The following SPICE1 variants were observed in gnomAD, a reference collection of about 807,000 sequenced individuals.
SPICE1 encodes the protein spindle and centriole associated protein 1.
A neutral mutation model predicts 102.7 loss-of-function variants in SPICE1; 75 were observed. That is an observed-to-expected ratio of 0.73 (90% CI 0.61 to 0.88). The LOEUF is 0.88. SPICE1 is among the 40% of genes least tolerant of loss of function. The probability of loss-of-function intolerance (pLI) is 0.00; values close to 1 mark genes in which losing one functional copy is unlikely to be tolerated. For synonymous variants in SPICE1, 308 were observed against 350.3 expected, an observed-to-expected ratio of 0.88 and a Z score of 1.35; for missense variants, 979 against 1,020.1, an observed-to-expected ratio of 0.96 and a Z score of 0.55.
intron 7 of SPICE1, among the ~76,000 whole-genome samples, chr3:113,477,574 G>A (rs571867549): frequency 0.017 from 2,622 of 151,906 alleles, 72 homozygotes; most frequent in African/African-American, 0.061. Flanking sequence ...AAGAAAATGT[G>A]GCACATATAC....
chr3:113,443,668 A>T lies in SPICE1; in HGVS notation c.*1639T>A, dbSNP rs1165758676. The T allele has an allele frequency of 6.6e-6, 1 of 152,226 alleles. No homozygotes were observed. The highest frequency in any genetic ancestry group is 1.5e-5 in the Non-Finnish European group (1 of 68,046). The allele number at this position is 152,226 out of a possible 1,614,324, so 9.4% of individuals were successfully genotyped here. A position where few individuals can be genotyped will look rare whatever the true frequency, so the allele number is the denominator to read the frequency against. Reference sequence around the variant, plus strand: ...CACTGTAAAACAGGTTTACTCTCCAACAAGAGGCAGCACAGCATAGGCTTT... The same window carrying T: ...CACTGTAAAACAGGTTTACTCTCCATCAAGAGGCAGCACAGCATAGGCTTT... On this transcript the variant is annotated 3_prime_UTR_variant, in exon 18 of 18. Transcript: ENST00000295872.
At chr3:113,449,901 T>C (rs1170237830) in intron 15 of SPICE1, 1 of 157,888 alleles carries the variant, frequency 6.3e-6, no homozygotes, top group African/African-American at 2.4e-5. Context: ...GAATCCCCTC[T>C]AGCTTTTCAC....
intron 7 of SPICE1, among the ~76,000 whole-genome samples, chr3:113,476,626 C>T (rs1185182110): frequency 1.4e-4 from 20 of 147,934 alleles, no homozygotes; most frequent in East Asian, 7.8e-4. Flanking sequence ...TCAGAAATAA[C>T]GCCGCATATC....
At chr3:113,483,929 T>C (rs1408842626) in intron 7 of SPICE1, among the ~76,000 whole-genome samples, 2 of 152,336 alleles carry the variant, frequency 1.3e-5, no homozygotes, top group East Asian at 1.9e-4. Flanking sequence ...TTTCTATTGT[T>C]TGGAATAGTT....
chr3:113,469,038 T>A (rs1026281407), intron 8 of SPICE1, 61 bp downstream of exon 8: 23 of 1,571,920 alleles, frequency 1.5e-5, no homozygotes, highest in Non-Finnish European at 1.9e-5. Flanking sequence ...CAAAAATTAC[T>A]GCATTCAAGA....
intron 4 of SPICE1, 80 bp from the exon 5 acceptor site, chr3:113,494,222 G>T: frequency 2.1e-6 from 2 of 948,746 alleles, no homozygotes; most frequent in Non-Finnish European, 3.1e-6. Context: ...CCATAAAAAG[G>T]CCTGGAGCAT....
chr3:113,500,078 T>C (rs1478548611), intron 3 of SPICE1, among the ~76,000 whole-genome samples: 5 of 152,152 alleles, frequency 3.3e-5, no homozygotes, highest in East Asian at 1.9e-4. Context: ...GTAGTGTTTA[T>C]AGCCCTTCAA....
At chr3:113,512,756 C>A (rs1937246429) in intron 1 of SPICE1, among the ~76,000 whole-genome samples, 1 of 152,100 alleles carries the variant, frequency 6.6e-6, no homozygotes, top group Non-Finnish European at 1.5e-5. Context: ...TCCTCCTCCA[C>A]ACAAACAATT....
At chr3:113,447,400 G>C (rs1935543668) in intron 16 of SPICE1, among the ~76,000 whole-genome samples, 1 of 152,118 alleles carries the variant, frequency 6.6e-6, no homozygotes, top group South Asian at 2.1e-4. Context: ...ATAATTGACT[G>C]AAGTTCATAG....
rs529675899 is a variant in SPICE1 at position 113,474,062 on chromosome 3, C to T, written c.612-4824G>A. On this transcript the variant is annotated intron_variant, in intron 7 of 17. Coordinates refer to ENST00000295872, the MANE Select transcript of SPICE1 (RefSeq NM_144718.4). ...AACCCATCTCACGTGCAGAGACACA[C>T]ATAGGCTCAAAATAAAAGGATGGAG... Among the ~76,000 whole-genome samples, 7 of 151,964 alleles carry T rather than the reference C, an allele frequency of 4.6e-5. No individual in the cohort carries two copies. In the South Asian group the frequency reaches 8.3e-4, roughly 18 times the overall value.
At chr3:113,465,627 T>C (rs1936036717) in intron 11 of SPICE1, 26 bp downstream of exon 11, 2 of 1,603,058 alleles carry the variant, frequency 1.2e-6, no homozygotes, top group Non-Finnish European at 1.7e-6. Flanking sequence ...ACTGAACACA[T>C]AAAAATTGGG....
At chr3:113,464,032 C>T (rs1935993695) in intron 11 of SPICE1, among the ~76,000 whole-genome samples, 1 of 151,484 alleles carries the variant, frequency 6.6e-6, no homozygotes, top group Non-Finnish European at 1.5e-5. Context: ...CATGCCACTG[C>T]ACTCCAGCCT....
chr3:113,509,032 A>G (rs1937167213), intron 1 of SPICE1, among the ~76,000 whole-genome samples: 1 of 152,210 alleles, frequency 6.6e-6, no homozygotes, highest in Non-Finnish European at 1.5e-5. Flanking sequence ...TGTGTCCAGA[A>G]TAAGTAAATC....
At position 113,450,511 on chromosome 3, in the gene SPICE1, A is replaced by T; in HGVS notation, c.2148T>A (p.Phe716Leu). Reference sequence around the variant, plus strand: ...CTGGTGTTAGAGACTGTGCTACTGGAAAAGTCTTTGGGAGAAAAAAAAAAA... The same window carrying T: ...CTGGTGTTAGAGACTGTGCTACTGGTAAAGTCTTTGGGAGAAAAAAAAAAA... ...QESASDMTST[F>L]PVAQSLTPGS... is the part of the protein sequence containing the mutation. Residue 716 changes from phenylalanine (F) to leucine (L), a missense_variant, in exon 15 of 18, where the codon TTT (phenylalanine) becomes TTA (leucine). Coordinates refer to ENST00000295872, the MANE Select transcript of SPICE1 (RefSeq NM_144718.4). The T allele has an allele frequency of 6.3e-7, 1 of 1,588,844 alleles. No individual in the cohort carries two copies. The highest frequency in any genetic ancestry group is 8.6e-7 in the Non-Finnish European group (1 of 1,168,760).
chr3:113,454,065 G>C, intron 13 of SPICE1, 115 bp from the exon 14 acceptor site: 1 of 1,013,268 alleles, frequency 9.9e-7, no homozygotes, highest in African/African-American at 1.6e-5. Flanking sequence ...AGAAGGGTTT[G>C]GCTTCTGAAT....
chr3:113,493,157 T>TA, intron 6 of SPICE1, 49 bp downstream of exon 6: 1 of 1,363,324 alleles, frequency 7.3e-7, no homozygotes, highest in South Asian at 1.4e-5. Context: ...TATATCAACT[T>TA]AAACTTCCTT....
At chr3:113,454,047 AT>A (rs1935723857) in intron 13 of SPICE1, 97 bp from the exon 14 acceptor site, 1 of 1,186,322 alleles carries the variant, frequency 8.4e-7, no homozygotes, top group East Asian at 2.6e-5. Flanking sequence ...TTAGAAAAGT[AT>A]TTCAGTAGAA....
At chr3:113,471,234 G>A (rs1936189158) in intron 7 of SPICE1, among the ~76,000 whole-genome samples, 1 of 152,174 alleles carries the variant, frequency 6.6e-6, no homozygotes. Context: ...AGCCTCTTCA[G>A]ATACAATTTA....
At chr3:113,459,429 T>A (rs1443529431) in intron 12 of SPICE1, 3 of 953,704 alleles carry the variant, frequency 3.1e-6, no homozygotes, top group South Asian at 4.9e-5. Context: ...CTAAAAAAAA[T>A]TAAAAACAAA....
Sources: allele counts gnomAD v4.1 joint callset (sites outside exome capture counted in the v4.1 genomes callset), GRCh38; gene constraint gnomAD v4.1.1; transcripts MANE v1.5; gene names NCBI Gene and HGNC (gene_info 2026-07-23, HGNC 2026-07-21).